SGCZ: variants seen among roughly 807,000 people sequenced by gnomAD.
SGCZ encodes zeta-sarcoglycan.
A neutral mutation model predicts 41.3 loss-of-function variants in SGCZ; 40 were observed. The ratio of observed to expected loss-of-function variants is 0.97; its 90% CI spans 0.75 to 1.26. The LOEUF (loss-of-function observed/expected upper bound fraction) is 1.26, where lower values mean the gene tolerates loss of function less well. Among genes scored for constraint, SGCZ ranks in the 50% most tolerant of loss-of-function variants. The pLI is 0.00. For synonymous variants in SGCZ, 206 were observed against 137.5 expected (o/e 1.50, Z -3.49); for missense variants, 552 against 369.8 (o/e 1.49, Z -4.04).
At chr8:14,411,805 G>A (rs917927045) in intron 2 of SGCZ, among the ~76,000 whole-genome samples, 14 of 152,112 alleles carry the variant, frequency 9.2e-5, no homozygotes, top group Admixed American at 8.5e-4. Context: ...TTGAATTCAT[G>A]ACACTTAAAA....
chr8:14,876,338 T>C (rs1804355885), intron 1 of SGCZ, among the ~76,000 whole-genome samples: 1 of 152,184 alleles, frequency 6.6e-6, no homozygotes, highest in Non-Finnish European at 1.5e-5. Context: ...ACTGAAACGA[T>C]GCAGGTAAAG....
At chr8:14,253,030 T>C (rs1799336920) in intron 3 of SGCZ, among the ~76,000 whole-genome samples, 1 of 152,126 alleles carries the variant, frequency 6.6e-6, no homozygotes, top group Non-Finnish European at 1.5e-5. Flanking sequence ...ATTAGGCATC[T>C]TTTTGCATAA....
At chr8:14,142,260 T>C (rs1004140056) in intron 5 of SGCZ, among the ~76,000 whole-genome samples, 1 of 152,102 alleles carries the variant, frequency 6.6e-6, no homozygotes, top group African/African-American at 2.4e-5. Flanking sequence ...GGCACATGTA[T>C]ACATATGTAG....
intron 3 of SGCZ, among the ~76,000 whole-genome samples, chr8:14,255,186 T>C (rs35692354): frequency 0.021 from 3,201 of 152,252 alleles, 78 homozygotes; most frequent in East Asian, 0.064. Flanking sequence ...GATTTCCTCT[T>C]TTGGTTCACC....
chr8:14,713,610 AC>A, intron 1 of SGCZ, among the ~76,000 whole-genome samples: 1 of 152,070 alleles, frequency 6.6e-6, no homozygotes, highest in East Asian at 1.9e-4. Context: ...TTAATGATAT[AC>A]TTTGGAAAAT....
chr8:14,643,347 T>C (rs574257194), intron 1 of SGCZ, among the ~76,000 whole-genome samples: 1 of 151,736 alleles, frequency 6.6e-6, no homozygotes, highest in Non-Finnish European at 1.5e-5. Flanking sequence ...CTATTAGAGA[T>C]ATATTTGGAT....
intron 3 of SGCZ, among the ~76,000 whole-genome samples, chr8:14,273,999 G>GA (rs1800145784): frequency 6.6e-6 from 1 of 151,998 alleles, no homozygotes; most frequent in Non-Finnish European, 1.5e-5. Context: ...CTTCCCTCCT[G>GA]CTGGTATTTG....
intron 1 of SGCZ, among the ~76,000 whole-genome samples, chr8:14,773,278 C>A (rs1056350834): frequency 6.6e-6 from 1 of 152,108 alleles, no homozygotes; most frequent in African/African-American, 2.4e-5. Context: ...GACTTTTCAA[C>A]GTGCCTTTAA....
intron 2 of SGCZ, among the ~76,000 whole-genome samples, chr8:14,388,141 T>C (rs1010290922): frequency 5.3e-5 from 8 of 152,022 alleles, no homozygotes; most frequent in African/African-American, 1.9e-4. Context: ...GGAAGTTTGG[T>C]CCTAGAGATG....
At chr8:14,770,808 G>A (rs931367098) in intron 1 of SGCZ, among the ~76,000 whole-genome samples, 1 of 151,990 alleles carries the variant, frequency 6.6e-6, no homozygotes, top group African/African-American at 2.4e-5. Context: ...TGCAAAAAGT[G>A]CTCTCTTAAA....
At chr8:14,540,738 T>A (rs1803440349) in intron 2 of SGCZ, among the ~76,000 whole-genome samples, 1 of 151,914 alleles carries the variant, frequency 6.6e-6, no homozygotes, top group African/African-American at 2.4e-5. Context: ...TTGTAAGGCG[T>A]TCTGCTTCAT....
chr8:14,224,431 G>C (rs564884149), intron 4 of SGCZ, among the ~76,000 whole-genome samples: 2 of 152,102 alleles, frequency 1.3e-5, no homozygotes, highest in Non-Finnish European at 2.9e-5. Context: ...AAGGTGAAAG[G>C]GATGCAGCAG....
intron 1 of SGCZ, among the ~76,000 whole-genome samples, chr8:15,016,686 G>C (rs980255717): frequency 6.6e-6 from 1 of 152,114 alleles, no homozygotes; most frequent in African/African-American, 2.4e-5. Context: ...TAATGTGTTA[G>C]TCTATTTTAC....
At chr8:14,500,097 C>T (rs751486340) in intron 2 of SGCZ, among the ~76,000 whole-genome samples, 5 of 152,040 alleles carry the variant, frequency 3.3e-5, no homozygotes, top group African/African-American at 4.8e-5. Context: ...GAGGGGAATT[C>T]GCTAATTGGT....
chr8:14,220,913 TG>T (rs1165826267), intron 4 of SGCZ, among the ~76,000 whole-genome samples: 2 of 152,182 alleles, frequency 1.3e-5, no homozygotes, highest in Non-Finnish European at 2.9e-5. Context: ...AAGTTGTAGA[TG>T]TTGGAAGTAA....
At chr8:14,411,210 T>C (rs1307412414) in intron 2 of SGCZ, among the ~76,000 whole-genome samples, 2 of 152,128 alleles carry the variant, frequency 1.3e-5, no homozygotes, top group Non-Finnish European at 1.5e-5. Context: ...AAGCATGTTC[T>C]CTCCTTAGAA....
chr8:14,592,842 A>C (rs1805283361), intron 1 of SGCZ, among the ~76,000 whole-genome samples: 1 of 152,154 alleles, frequency 6.6e-6, no homozygotes, highest in Non-Finnish European at 1.5e-5. Context: ...GTTTAATCAG[A>C]CAGACTAGAA....
intron 1 of SGCZ, among the ~76,000 whole-genome samples, chr8:14,756,778 T>C (rs143527845): frequency 1.1e-3 from 160 of 152,306 alleles, no homozygotes; most frequent in African/African-American, 3.7e-3. Context: ...TTAATACAAT[T>C]GTACAAACAT....
At chr8:14,381,033 G>C (rs918290824) in intron 2 of SGCZ, among the ~76,000 whole-genome samples, 15 of 151,904 alleles carry the variant, frequency 9.9e-5, no homozygotes, top group African/African-American at 3.6e-4. Context: ...CCTTAACTAG[G>C]GTCAATTTCT....
Sources: allele counts gnomAD v4.1 joint callset (sites outside exome capture counted in the v4.1 genomes callset), GRCh38; gene constraint gnomAD v4.1.1; transcripts MANE v1.5; gene names NCBI Gene and HGNC (gene_info 2026-07-23, HGNC 2026-07-21).